The following MARCHF1 variants were observed in gnomAD, a reference collection of about 807,000 sequenced individuals.
MARCHF1 encodes the protein membrane associated ring-CH-type finger 1.
MARCHF1 carries 40 observed loss-of-function variants against 54.2 expected under a neutral mutation model. The observed-to-expected ratio is 0.74, with a 90% confidence interval of 0.57 to 0.96. The LOEUF is 0.96. Ranked by LOEUF, MARCHF1 falls within the 40% of genes least tolerant of loss-of-function variation. MARCHF1 has a pLI of 0.00. For missense variants in MARCHF1, 586 were observed against 656.5 expected, an observed-to-expected ratio of 0.89 and a Z score of 1.17; for synonymous variants, 236 against 236.3, an observed-to-expected ratio of 1.00 and a Z score of 0.01.
chr4:163,780,935 A>T (rs1256336830), intron 4 of MARCHF1, among the ~76,000 whole-genome samples: 2 of 152,152 alleles, frequency 1.3e-5, no homozygotes, highest in African/African-American at 4.8e-5. Flanking sequence ...AAGTGAGTAA[A>T]ACTCCTCCCT....
chr4:163,736,185 C>T (rs963373068), intron 4 of MARCHF1, among the ~76,000 whole-genome samples: 43 of 152,122 alleles, frequency 2.8e-4, no homozygotes, highest in African/African-American at 1.0e-3. Context: ...TTTATGAATT[C>T]TTTTTGGGAT....
intron 1 of MARCHF1, among the ~76,000 whole-genome samples, chr4:164,119,219 T>C (rs1454661679): frequency 5.9e-5 from 9 of 151,610 alleles, no homozygotes; most frequent in Non-Finnish European, 1.3e-4. Flanking sequence ...TTAAAGTTTC[T>C]TTCTTCCTCA....
At chr4:164,350,679 C>T (rs911806219) in intron 1 of MARCHF1, among the ~76,000 whole-genome samples, 1 of 152,178 alleles carries the variant, frequency 6.6e-6, no homozygotes, top group Non-Finnish European at 1.5e-5. Flanking sequence ...GCCAATCTAG[C>T]CTCATATACC....
At position 163,854,042 on chromosome 4, in the gene MARCHF1, G is replaced by A. The variant is rs375276624; in HGVS notation, c.90C>T (p.Asp30=). ...TCACCAATGTGGAGGTTTGTGAGGCGTCAGCCAAATCCCCTGAGATCTCGG... is the reference window on the plus strand; with the variant it reads ...TCACCAATGTGGAGGTTTGTGAGGCATCAGCCAAATCCCCTGAGATCTCGG... ...RTPEISGDLA[D]ASQTSTLNEK... The change falls in exon 4 of 10, where the codon GAC becomes GAT. Residue 30 remains aspartate, a synonymous_variant. Transcript: ENST00000514618. The A allele has an allele frequency of 3.3e-5, 51 of 1,536,672 alleles. No individual in the cohort carries two copies. Among genetic ancestry groups the A allele is most frequent in the Middle Eastern group, 1.7e-4 (1 of 5,984 alleles).
At chr4:163,970,722 A>G (rs1752530733) in intron 3 of MARCHF1, among the ~76,000 whole-genome samples, 1 of 152,206 alleles carries the variant, frequency 6.6e-6, no homozygotes, top group Non-Finnish European at 1.5e-5. Flanking sequence ...CTTGATTACT[A>G]TTAACCTATC....
At chr4:163,786,750 T>G (rs1747632155) in intron 4 of MARCHF1, among the ~76,000 whole-genome samples, 1 of 151,906 alleles carries the variant, frequency 6.6e-6, no homozygotes, top group African/African-American at 2.4e-5. Context: ...AAAATTTAGA[T>G]GGAATCTCAA....
chr4:164,303,732 C>T (rs943131467), intron 1 of MARCHF1, among the ~76,000 whole-genome samples: 1 of 65,504 alleles, frequency 1.5e-5, no homozygotes, highest in Non-Finnish European at 2.8e-5. Context: ...ACCCACACAC[C>T]CCAATCACCC....
At chr4:163,816,204 C>A (rs982920765) in intron 4 of MARCHF1, among the ~76,000 whole-genome samples, 7 of 151,988 alleles carry the variant, frequency 4.6e-5, no homozygotes, top group African/African-American at 1.7e-4. Context: ...TAAACTGCTG[C>A]GAAGGCATTG....
intron 3 of MARCHF1, among the ~76,000 whole-genome samples, chr4:163,856,987 T>G (rs1224558718): frequency 6.7e-6 from 1 of 150,158 alleles, no homozygotes. Flanking sequence ...CACTCCAGCC[T>G]GGACAATAGA....
In MARCHF1 at chr4:163,874,087, C is replaced by G. The variant is rs116645144; in HGVS notation, c.-38-19918G>C. Reference sequence around the variant, plus strand: ...GCTGTAAACATAAATATAGTCTAGGCTGAATTATCATAGAGGTATTAGTCT... The same window carrying G: ...GCTGTAAACATAAATATAGTCTAGGGTGAATTATCATAGAGGTATTAGTCT... On this transcript the variant is annotated intron_variant, in intron 3 of 9. Transcript: ENST00000514618. Among the ~76,000 whole-genome samples, 569 of 152,264 alleles carry G rather than the reference C, an allele frequency of 3.7e-3. 2 individuals are homozygous for G. Among genetic ancestry groups the G allele is most frequent in the Admixed American group, 0.01 (157 of 15,296 alleles).
intron 3 of MARCHF1, among the ~76,000 whole-genome samples, chr4:163,943,044 T>C (rs780801582): frequency 2.6e-5 from 4 of 152,200 alleles, no homozygotes; most frequent in Admixed American, 2.0e-4. Flanking sequence ...TTTAATGAAG[T>C]TTTTTCCTTG....
chr4:163,662,291 T>G (rs1460485250), intron 5 of MARCHF1, among the ~76,000 whole-genome samples: 1 of 151,996 alleles, frequency 6.6e-6, no homozygotes, highest in Non-Finnish European at 1.5e-5. Context: ...TGTTTTTATT[T>G]CTTATTCATC....
chr4:164,286,793 A>G (rs1734161608), intron 1 of MARCHF1, among the ~76,000 whole-genome samples: 1 of 150,054 alleles, frequency 6.7e-6, no homozygotes, highest in African/African-American at 2.4e-5. Flanking sequence ...TTAGGTTAAC[A>G]TAAACTGTCC....
chr4:163,917,312 A>T (rs1395421819), intron 3 of MARCHF1, among the ~76,000 whole-genome samples: 1 of 152,136 alleles, frequency 6.6e-6, no homozygotes, highest in Non-Finnish European at 1.5e-5. Flanking sequence ...GTTTTCTAAG[A>T]ACCTGTTAAA....
chr4:163,543,824 A>G (rs1738803708), intron 9 of MARCHF1, among the ~76,000 whole-genome samples: 1 of 152,216 alleles, frequency 6.6e-6, no homozygotes, highest in African/African-American at 2.4e-5. Flanking sequence ...CTCTTCTTAC[A>G]TCTACGAGAA....
intron 1 of MARCHF1, among the ~76,000 whole-genome samples, chr4:164,220,715 TATATG>T (rs1354702662): frequency 2.0e-5 from 3 of 147,036 alleles, no homozygotes; most frequent in Non-Finnish European, 3.0e-5. Flanking sequence ...ATATGTAATA[TATATG>T]ATATATGTAT....
At position 164,376,173 on chromosome 4, in the gene MARCHF1, G is replaced by C. The variant is rs187269789; in HGVS notation, c.-323+7697C>G. 1.2e-4 allele frequency among the ~76,000 whole-genome samples: 19 copies of C among 152,234 alleles called. No individual in the cohort carries two copies. The East Asian group carries it at 2.9e-3, about 23-fold the overall frequency. On this transcript the variant is annotated intron_variant, in intron 1 of 9. Transcript: ENST00000514618. ...AGACTGCCAATAACTACATATTAAA[G>C]TATAGTAAAAAAGAAGGAAGAGATG...
intron 4 of MARCHF1, among the ~76,000 whole-genome samples, chr4:163,839,449 G>T (rs1218132233): frequency 6.6e-6 from 1 of 151,970 alleles, no homozygotes; most frequent in African/African-American, 2.4e-5. Flanking sequence ...GAATCGCCAA[G>T]AAGTGAAAAC....
At chr4:164,057,267 T>C (rs1754514018) in intron 2 of MARCHF1, among the ~76,000 whole-genome samples, 1 of 152,176 alleles carries the variant, frequency 6.6e-6, no homozygotes, top group South Asian at 2.1e-4. Context: ...ACCATATTCA[T>C]TTCATAAGAA....
Sources: allele counts gnomAD v4.1 joint callset (sites outside exome capture counted in the v4.1 genomes callset), GRCh38; gene constraint gnomAD v4.1.1; transcripts MANE v1.5; gene names NCBI Gene and HGNC (gene_info 2026-07-23, HGNC 2026-07-21).